The following PPP2R2B variants were observed in gnomAD, a reference collection of about 807,000 sequenced individuals.
PPP2R2B encodes protein phosphatase 2 regulatory subunit Bbeta.
A neutral mutation model predicts 46.0 loss-of-function variants in PPP2R2B; 5 were observed. That is an observed-to-expected ratio of 0.11 (90% CI 0.06 to 0.23). The LOEUF is 0.23. PPP2R2B is among the 10% of genes least tolerant of loss of function. The pLI is 1.00. For missense variants in PPP2R2B, 367 were observed against 575.0 expected, an observed-to-expected ratio of 0.64 and a Z score of 3.70; for synonymous variants, 215 against 206.7, an observed-to-expected ratio of 1.04 and a Z score of -0.34.
At chr5:146,603,738 T>C (rs911898932) in intron 7 of PPP2R2B, among the ~76,000 whole-genome samples, 2 of 152,224 alleles carry the variant, frequency 1.3e-5, no homozygotes, top group Admixed American at 1.3e-4. Flanking sequence ...GTGCTTTACA[T>C]GTTTTATTTC....
chr5:146,975,718 C>T lies in PPP2R2B; in HGVS notation c.79+79947G>A, dbSNP rs190108278. On this transcript the variant is annotated intron_variant, in intron 1 of 8. Coordinates refer to the PPP2R2B transcript ENST00000336640. ...GAGGTAATACTGTGATTTTGATTTG[C>T]ATCTCCCTGATCATTAGTGATGTTG... 8.5e-5 allele frequency among the ~76,000 whole-genome samples: 13 copies of T among 152,288 alleles called. No individual in the cohort carries two copies. The East Asian group carries it at 2.3e-3, about 27-fold the overall frequency.
chr5:146,849,321 G>T (rs1760203082), intron 2 of PPP2R2B, among the ~76,000 whole-genome samples: 1 of 151,982 alleles, frequency 6.6e-6, no homozygotes, highest in African/African-American at 2.4e-5. Flanking sequence ...AGTTAAGCAG[G>T]GGTTCTTGTT....
chr5:146,691,281 A>G, intron 4 of PPP2R2B, 41 bp from the exon 5 acceptor site: 1 of 1,571,746 alleles, frequency 6.4e-7, no homozygotes, highest in Non-Finnish European at 8.7e-7. Flanking sequence ...TATAGTGAAA[A>G]GCAAGCTCAT....
At chr5:146,909,462 C>T (rs1361056282) in intron 1 of PPP2R2B, among the ~76,000 whole-genome samples, 1 of 152,170 alleles carries the variant, frequency 6.6e-6, no homozygotes, top group African/African-American at 2.4e-5. Flanking sequence ...GTCAGTAAAG[C>T]TCTTCATTTC....
chr5:146,667,249 T>C (rs1196490584), intron 5 of PPP2R2B, among the ~76,000 whole-genome samples: 4 of 151,956 alleles, frequency 2.6e-5, no homozygotes, highest in African/African-American at 7.2e-5. Flanking sequence ...TAAATTGTTA[T>C]ATGAAGTGGA....
intron 2 of PPP2R2B, among the ~76,000 whole-genome samples, chr5:146,808,056 C>T (rs918543426): frequency 2.6e-5 from 4 of 151,930 alleles, no homozygotes; most frequent in African/African-American, 9.7e-5. Flanking sequence ...CTGCCTCAGC[C>T]TCCCAAAGTG....
At chr5:146,677,952 A>G (rs1329340263) in intron 5 of PPP2R2B, among the ~76,000 whole-genome samples, 1 of 152,222 alleles carries the variant, frequency 6.6e-6, no homozygotes, top group Non-Finnish European at 1.5e-5. Context: ...GGCAGGTAAG[A>G]TTAATGTTAG....
At chr5:147,018,049 A>G (rs895656643) in intron 1 of PPP2R2B, among the ~76,000 whole-genome samples, 5 of 40,476 alleles carry the variant, frequency 1.2e-4, no homozygotes, top group East Asian at 4.8e-4. Flanking sequence ...GCGCGCACAC[A>G]CACACACACA....
Position 146,600,395 on chromosome 5 carries a change from C to T in PPP2R2B, c.856G>A (p.Asp286Asn). ...CTCCCACTGTGGCTGAACTTCACATCCGAAATCGAAGAGATAATTTCAGAG... is the reference window on the plus strand; with the variant it reads ...CTCCCACTGTGGCTGAACTTCACATTCGAAATCGAAGAGATAATTTCAGAG... ...FFSEIISSISDVKFSHSGRYI... is the reference protein window; with the variant it reads ...FFSEIISSISNVKFSHSGRYI... Residue 286 changes from aspartate (D) to asparagine (N), a missense_variant, in exon 8 of 10, where the codon GAT becomes AAT. Around this residue, in one of 2 missense-constraint regions of PPP2R2B, gnomAD observed 361 missense variants for 545.5 expected, o/e 0.66. Coordinates refer to ENST00000394411, the MANE Select transcript of PPP2R2B (RefSeq NM_181675.4). 6.2e-7 allele frequency: 1 copy of T among 1,613,944 alleles called. No individual in the cohort carries two copies. Among genetic ancestry groups the T allele is most frequent in the Non-Finnish European group, 8.5e-7 (1 of 1,179,918 alleles).
chr5:146,800,919 C>T (rs1163174588), intron 2 of PPP2R2B, among the ~76,000 whole-genome samples: 1 of 129,238 alleles, frequency 7.7e-6, no homozygotes, highest in Non-Finnish European at 1.7e-5. Flanking sequence ...TGTGTACATA[C>T]ACACACACAC....
intron 7 of PPP2R2B, 54 bp downstream of exon 7, chr5:146,638,197 C>A: frequency 2.5e-6 from 4 of 1,569,258 alleles, no homozygotes; most frequent in Non-Finnish European, 3.5e-6. Flanking sequence ...GGCTCTCCCC[C>A]AGCACATTGG....
At chr5:146,801,158 T>A (rs920065719) in intron 2 of PPP2R2B, among the ~76,000 whole-genome samples, 16 of 151,888 alleles carry the variant, frequency 1.1e-4, no homozygotes, top group African/African-American at 3.9e-4. Flanking sequence ...GGATAGCAGT[T>A]ACCAGGGCCT....
chr5:146,832,379 CTTTTTT>C (rs34269274), intron 2 of PPP2R2B, among the ~76,000 whole-genome samples: 8 of 70,192 alleles, frequency 1.1e-4, no homozygotes, highest in Non-Finnish European at 1.9e-4. Flanking sequence ...CATTTTTAAT[CTTTTTT>C]TTTTTTTTTT....
At chr5:146,927,733 T>G (rs958458528) in intron 1 of PPP2R2B, among the ~76,000 whole-genome samples, 1 of 151,612 alleles carries the variant, frequency 6.6e-6, no homozygotes, top group Middle Eastern at 3.2e-3. Context: ...AGCCATACTT[T>G]CTTCTTTTTT....
chr5:147,034,803 C>T lies in PPP2R2B; in HGVS notation c.79+20862G>A, dbSNP rs144421121. On this transcript the variant is annotated intron_variant, in intron 1 of 8. Transcript: ENST00000336640. Reference sequence around the variant, plus strand: ...AAGATGTATGAGTTTTGGAATGTTTCCATTAGTTTCTCAAGACCACAAAGC... The same window carrying T: ...AAGATGTATGAGTTTTGGAATGTTTTCATTAGTTTCTCAAGACCACAAAGC... Among the ~76,000 whole-genome samples, 89 of 152,224 alleles carry T rather than the reference C, an allele frequency of 5.8e-4. 2 individuals carry two copies. In the East Asian group the frequency reaches 0.014, roughly 24 times the overall value.
At chr5:146,725,248 A>C (rs1256375041) in intron 2 of PPP2R2B, among the ~76,000 whole-genome samples, 1 of 152,188 alleles carries the variant, frequency 6.6e-6, no homozygotes, top group Non-Finnish European at 1.5e-5. Flanking sequence ...GGAGTGAATT[A>C]ATGCTTCTTA....
intron 1 of PPP2R2B, among the ~76,000 whole-genome samples, chr5:147,053,202 G>A (rs188757549): frequency 1.4e-5 from 2 of 144,032 alleles, no homozygotes; most frequent in Non-Finnish European, 3.0e-5. Flanking sequence ...AAAACCTATG[G>A]CCTTCCTGCA....
chr5:146,966,262 A>G (rs946815553), intron 1 of PPP2R2B, among the ~76,000 whole-genome samples: 2 of 152,296 alleles, frequency 1.3e-5, no homozygotes, highest in South Asian at 2.1e-4. Flanking sequence ...GGTCACATGC[A>G]GGTAAGGAAA....
rs961708006 is a variant in PPP2R2B, at chr5:146,582,913, C to T, written c.*7034G>A. ...CTCATTTTAGTGCCTCATAGCCTGG[C>T]TATTGGAGAAGCTCCTGATATGTGA... On this transcript the variant is annotated 3_prime_UTR_variant, in exon 10 of 10. Coordinates refer to ENST00000394411, the MANE Select transcript of PPP2R2B (RefSeq NM_181675.4). 1.3e-5 allele frequency: 2 copies of T among 152,194 alleles called. No individual in the cohort carries two copies. Among genetic ancestry groups the T allele is most frequent in the Non-Finnish European group, 2.9e-5 (2 of 68,052 alleles). The allele number at this position is 152,194 out of a possible 1,614,324, so 9.4% of individuals were successfully genotyped here. A position where few individuals can be genotyped will look rare whatever the true frequency, so the allele number is the denominator to read the frequency against.
Sources: allele counts gnomAD v4.1 joint callset (sites outside exome capture counted in the v4.1 genomes callset), GRCh38; gene constraint gnomAD v4.1.1; regional missense constraint gnomAD v4.1.1; transcripts MANE v1.5; gene names NCBI Gene and HGNC (gene_info 2026-07-23, HGNC 2026-07-21).